Variants in KDM7A observed in about 807,000 individuals in gnomAD.
KDM7A encodes the protein lysine-specific demethylase 7A.
A neutral mutation model predicts 114.8 loss-of-function variants in KDM7A; 28 were observed. The ratio of observed to expected loss-of-function variants is 0.24; its 90% confidence interval spans 0.18 to 0.33. The LOEUF is 0.33. Ranked by LOEUF, KDM7A falls within the 10% of genes least tolerant of loss-of-function variation. The probability of loss-of-function intolerance (pLI) is 1.00; values close to 1 mark genes in which losing one functional copy is unlikely to be tolerated. For synonymous variants in KDM7A, 423 were observed against 397.8 expected (o/e 1.06, Z -0.75); for missense variants, 942 against 1,142.5 (o/e 0.82, Z 2.53).
intron 2 of KDM7A, among the ~76,000 whole-genome samples, chr7:140,135,391 T>A (rs371240255): frequency 6.6e-6 from 1 of 151,924 alleles, no homozygotes; most frequent in African/African-American, 2.4e-5. Flanking sequence ...TTAGTAGAGA[T>A]GGGGTTTCAC....
At chr7:140,136,752 G>T (rs1462793616) in intron 2 of KDM7A, among the ~76,000 whole-genome samples, 1 of 152,166 alleles carries the variant, frequency 6.6e-6, no homozygotes, top group Non-Finnish European at 1.5e-5. Context: ...AGTGGCTCAC[G>T]CCTGTAATCT....
chr7:140,105,537 T>G (rs1007022142), intron 11 of KDM7A, among the ~76,000 whole-genome samples: 1 of 152,214 alleles, frequency 6.6e-6, no homozygotes, highest in African/African-American at 2.4e-5. Context: ...CTGCATCTAT[T>G]GAGATAATCA....
At chr7:140,148,220 G>GAA (rs35363572) in intron 1 of KDM7A, among the ~76,000 whole-genome samples, 9 of 118,432 alleles carry the variant, frequency 7.6e-5, no homozygotes, top group South Asian at 5.2e-4. Context: ...TATGCTTCAA[G>GAA]AAAAAAAAAA....
At chr7:140,160,836 C>T (rs1794511195) in intron 1 of KDM7A, among the ~76,000 whole-genome samples, 1 of 152,186 alleles carries the variant, frequency 6.6e-6, no homozygotes, top group African/African-American at 2.4e-5. Flanking sequence ...GACTCCAGCG[C>T]TGACTACTTG....
chr7:140,100,083 A>G lies in KDM7A; in HGVS notation c.1639-60T>C. On this transcript the variant is annotated intron_variant, in intron 12 of 19. Coordinates refer to ENST00000397560, the MANE Select transcript of KDM7A (RefSeq NM_030647.2). The stretch of plus-strand genomic sequence containing the variant: ...ACCCTCAGGTAGCCCTGTTCGACTG[A>G]TGGAATACAGTATACCACCACCTCC... 7.6e-6 allele frequency: 12 copies of G among 1,575,318 alleles called. No individual in the cohort carries two copies. The South Asian group carries it at 1.3e-4, about 18-fold the overall frequency.
At position 140,164,879 on chromosome 7, in the gene KDM7A, C is replaced by T. The variant is rs1019281762; in HGVS notation, c.194+11865G>A. 9.2e-5 allele frequency among the ~76,000 whole-genome samples: 14 copies of T among 152,220 alleles called. No homozygotes were observed. In the South Asian group the frequency reaches 1.0e-3, roughly 11 times the overall value. ...GAACCTGGAAGCACAGGATACTATTCGGTCTACTTCTGCATATGTCTGGTA... is the reference window on the plus strand; with the variant it reads ...GAACCTGGAAGCACAGGATACTATTTGGTCTACTTCTGCATATGTCTGGTA... On this transcript the variant is annotated intron_variant, in intron 1 of 19. Transcript: ENST00000397560.
rs1490098914 is a variant in KDM7A, at chr7:140,129,626, A to G, written c.426T>C (p.His142=). 2 of 1,609,786 alleles carry G rather than the reference A, an allele frequency of 1.2e-6. No homozygotes were observed. The highest frequency in any genetic ancestry group is 1.7e-6 in the Non-Finnish European group (2 of 1,176,238). Reference sequence around the variant, plus strand: ...GATATCTTTGTGTCAGCTGGCTGCCATGCATCTTTATAATTATTTCATCGG... The same window carrying G: ...GATATCTTTGTGTCAGCTGGCTGCCGTGCATCTTTATAATTATTTCATCGG... ...PSADEIIIKM[H]GSQLTQRYLE... The change falls in exon 4 of 20, where the codon CAT becomes CAC. Residue 142 remains histidine, a synonymous_variant. Coordinates refer to ENST00000397560, the MANE Select transcript of KDM7A (RefSeq NM_030647.2).
In KDM7A at chr7:140,171,575, A is replaced by T. The variant is rs11981033; in HGVS notation, c.194+5169T>A. On this transcript the variant is annotated intron_variant, in intron 1 of 19. Coordinates refer to ENST00000397560, the MANE Select transcript of KDM7A (RefSeq NM_030647.2). ...TATATTTATTTTTATATATTTATATATATATATTTTTATATAGTTGTATTT... is the reference window on the plus strand; with the variant it reads ...TATATTTATTTTTATATATTTATATTTATATATTTTTATATAGTTGTATTT... 4.9e-3 allele frequency among the ~76,000 whole-genome samples: 553 copies of T among 112,904 alleles called. 2 individuals are homozygous for T. Among genetic ancestry groups the T allele is most frequent in the Admixed American group, 7.2e-3 (82 of 11,438 alleles). The allele number at this position is 112,904 out of a possible 152,430, so 74.1% of individuals were successfully genotyped here. A position where few individuals can be genotyped will look rare whatever the true frequency, so the allele number is the denominator to read the frequency against.
chr7:140,096,746 G>A lies in KDM7A; in HGVS notation c.2183C>T (p.Thr728Met), dbSNP rs767427432. The A allele has an allele frequency of 5.0e-6, 8 of 1,613,892 alleles. No homozygotes were observed. The highest frequency in any genetic ancestry group is 2.2e-5 in the South Asian group (2 of 91,086). Residue 728 changes from threonine to methionine, a missense_variant, in exon 17 of 20, where the codon ACG becomes ATG. Physicochemically the swap from Thr to Met is moderately conservative, Grantham distance 81 (BLOSUM62 -1). This residue lies in a region of KDM7A where 512 missense variants were observed against 576.6 expected (regional missense o/e 0.89). Coordinates refer to ENST00000397560, the MANE Select transcript of KDM7A (RefSeq NM_030647.2). ...CTGAATAGCTTCTTCCTCTGTGCTCGTCGAGGTAGGACATTCCCTAAAGAA... is the reference window on the plus strand; with the variant it reads ...CTGAATAGCTTCTTCCTCTGTGCTCATCGAGGTAGGACATTCCCTAAAGAA... ...IPIKRECPTS[T>M]STEEEAIQGM...
At chr7:140,164,412 C>G (rs1794552732) in intron 1 of KDM7A, among the ~76,000 whole-genome samples, 1 of 152,186 alleles carries the variant, frequency 6.6e-6, no homozygotes, top group South Asian at 2.1e-4. Flanking sequence ...CCTCTACCTA[C>G]TAGCTGCTAG....
chr7:140,132,168 C>G (rs1818798256), intron 3 of KDM7A, among the ~76,000 whole-genome samples: 1 of 152,174 alleles, frequency 6.6e-6, no homozygotes, highest in Admixed American at 6.5e-5. Flanking sequence ...TTAATCATAT[C>G]AAGCATGTGT....
intron 10 of KDM7A, 48 bp from the exon 11 acceptor site, chr7:140,111,232 T>C: frequency 7.8e-7 from 1 of 1,276,598 alleles, no homozygotes; most frequent in Non-Finnish European, 1.1e-6. Flanking sequence ...ATTTACACTT[T>C]AATATGTAAA....
intron 1 of KDM7A, among the ~76,000 whole-genome samples, chr7:140,171,277 G>A (rs927444742): frequency 1.1e-4 from 16 of 149,460 alleles, no homozygotes; most frequent in Admixed American, 2.7e-4. Flanking sequence ...TGGCTAACAC[G>A]GTGAAACCCC....
intron 9 of KDM7A, among the ~76,000 whole-genome samples, chr7:140,114,401 C>A (rs1011973221): frequency 6.6e-6 from 1 of 152,158 alleles, no homozygotes; most frequent in Admixed American, 6.5e-5. Context: ...AGCTCCTAAC[C>A]GCGAGTGATC....
intron 1 of KDM7A, among the ~76,000 whole-genome samples, chr7:140,168,558 ACT>A (rs1162887527): frequency 6.7e-6 from 1 of 149,818 alleles, no homozygotes; most frequent in South Asian, 2.1e-4. Flanking sequence ...ACAGAGCAAG[ACT>A]CTATCTCAAA....
intron 7 of KDM7A, among the ~76,000 whole-genome samples, chr7:140,124,273 C>T (rs1192877326): frequency 1.4e-5 from 2 of 139,498 alleles, no homozygotes; most frequent in African/African-American, 5.5e-5. Context: ...CTTTTTGAGA[C>T]AATGAAAATG....
chr7:140,121,032 T>C (rs1335973551), intron 7 of KDM7A, among the ~76,000 whole-genome samples: 1 of 152,196 alleles, frequency 6.6e-6, no homozygotes, highest in Non-Finnish European at 1.5e-5. Context: ...CTGGGATTGA[T>C]GGGACACTCC....
At chr7:140,158,235 A>G (rs1261498689) in intron 1 of KDM7A, among the ~76,000 whole-genome samples, 1 of 152,232 alleles carries the variant, frequency 6.6e-6, no homozygotes, top group Non-Finnish European at 1.5e-5. Flanking sequence ...GTATTGACTT[A>G]CAACTTACAT....
intron 1 of KDM7A, among the ~76,000 whole-genome samples, chr7:140,140,166 A>G (rs1394590825): frequency 1.3e-5 from 2 of 152,210 alleles, no homozygotes; most frequent in Admixed American, 6.5e-5. Flanking sequence ...CAAAACTTGG[A>G]AAGAATTATA....
Sources: allele counts gnomAD v4.1 joint callset (sites outside exome capture counted in the v4.1 genomes callset), GRCh38; gene constraint gnomAD v4.1.1; regional missense constraint gnomAD v4.1.1; transcripts MANE v1.5; gene names NCBI Gene and HGNC (gene_info 2026-07-23, HGNC 2026-07-21).